EML5: variants seen among roughly 807,000 people sequenced by gnomAD.
The protein encoded by EML5 is EMAP like 5, also known as echinoderm microtubule-associated protein-like 5.
In EML5, 120 loss-of-function variants were observed where a neutral mutation model predicts 250.0. The ratio of observed to expected loss-of-function variants is 0.48; its 90% confidence interval spans 0.41 to 0.56. The LOEUF (loss-of-function observed/expected upper bound fraction) is 0.56, where lower values mean the gene tolerates loss of function less well. Among genes scored for constraint, EML5 ranks in the 20% least tolerant of loss-of-function variants. The pLI is 0.00. For synonymous variants in EML5, 771 were observed against 806.5 expected (o/e 0.96, Z 0.75); for missense variants, 2,006 against 2,437.6 (o/e 0.82, Z 3.73).
At chr14:88,675,152 T>C (rs1262381417) in intron 21 of EML5, among the ~76,000 whole-genome samples, 1 of 152,246 alleles carries the variant, frequency 6.6e-6, no homozygotes, top group Non-Finnish European at 1.5e-5. Context: ...GAAGGATGGT[T>C]GCCCTCTTCT....
intron 9 of EML5, among the ~76,000 whole-genome samples, chr14:88,713,840 G>GT (rs33988759): frequency 0.076 from 9,855 of 130,024 alleles, 440 homozygotes; most frequent in African/African-American, 0.12. Context: ...AAGTTTATTT[G>GT]TTTTTTTTTT....
chr14:88,648,729 A>G (rs1370454045), intron 28 of EML5, among the ~76,000 whole-genome samples: 1 of 152,012 alleles, frequency 6.6e-6, no homozygotes, highest in Non-Finnish European at 1.5e-5. Flanking sequence ...CCCATTATAA[A>G]CTATCCAAGT....
At chr14:88,664,905 A>C (rs1238918722) in intron 22 of EML5, among the ~76,000 whole-genome samples, 1 of 152,212 alleles carries the variant, frequency 6.6e-6, no homozygotes, top group Non-Finnish European at 1.5e-5. Flanking sequence ...ACTCCCTCTA[A>C]ATTTAGAAAA....
At chr14:88,719,273 C>T (rs1217970525) in intron 8 of EML5, among the ~76,000 whole-genome samples, 1 of 152,110 alleles carries the variant, frequency 6.6e-6, no homozygotes, top group Non-Finnish European at 1.5e-5. Flanking sequence ...GTAGTCACAG[C>T]TACTTGGAAG....
At chr14:88,660,061 G>A (rs193237723) in intron 25 of EML5, among the ~76,000 whole-genome samples, 3 of 151,872 alleles carry the variant, frequency 2.0e-5, no homozygotes, top group Admixed American at 6.6e-5. Context: ...GGATCACCTG[G>A]GTTCAGGAGT....
At chr14:88,770,009 G>A (rs1020962222) in intron 1 of EML5, among the ~76,000 whole-genome samples, 2 of 148,006 alleles carry the variant, frequency 1.4e-5, no homozygotes, top group Admixed American at 6.8e-5. Flanking sequence ...TTAAGATACT[G>A]TTAAGACACT....
intron 16 of EML5, among the ~76,000 whole-genome samples, chr14:88,694,640 C>T (rs2093035143): frequency 6.6e-6 from 1 of 152,124 alleles, no homozygotes; most frequent in Admixed American, 6.6e-5. Flanking sequence ...TGGACAGCAT[C>T]TATAATACCT....
At chr14:88,629,120 T>G (rs776553960) in intron 33 of EML5, among the ~76,000 whole-genome samples, 21 of 151,998 alleles carry the variant, frequency 1.4e-4, no homozygotes, top group Non-Finnish European at 2.1e-4. Flanking sequence ...CTCTATACAT[T>G]TTGCCAGTGA....
intron 28 of EML5, 62 bp downstream of exon 28, chr14:88,649,850 C>A: frequency 3.1e-6 from 4 of 1,296,102 alleles, no homozygotes; most frequent in South Asian, 2.9e-5. Flanking sequence ...CTTAAAATAC[C>A]ATAAAGAATA....
At chr14:88,663,616 T>C (rs536229521) in intron 23 of EML5, among the ~76,000 whole-genome samples, 1 of 152,338 alleles carries the variant, frequency 6.6e-6, no homozygotes, top group East Asian at 1.9e-4. Flanking sequence ...TATATGATTA[T>C]GACTCTTTTT....
In EML5 at chr14:88,792,770, G is replaced by A; in HGVS notation, c.-267C>T. On this transcript the variant is annotated 5_prime_UTR_variant, in exon 1 of 44. Transcript: ENST00000554922. The surrounding 1 kb of genome is among the most constrained non-coding windows in gnomAD (Gnocchi z 6.9). ...ATGCCCAGAGCCCTTCGCCCGCCTC[G>A]GCTCGCCTAGTCTCCTCAGCCCGTA... The A allele has an allele frequency of 9.7e-7, 1 of 1,034,742 alleles. No individual in the cohort carries two copies. The allele number at this position is 1,034,742 out of a possible 1,614,324, so 64.1% of individuals were successfully genotyped here.
intron 7 of EML5, among the ~76,000 whole-genome samples, chr14:88,727,725 T>A (rs2093689139): frequency 6.6e-6 from 1 of 152,204 alleles, no homozygotes; most frequent in Non-Finnish European, 1.5e-5. Context: ...AACAATGCAG[T>A]ACATTGATTC....
intron 35 of EML5, chr14:88,626,616 C>CAAA: frequency 6.3e-6 from 3 of 474,686 alleles, no homozygotes; most frequent in East Asian, 3.7e-5. Flanking sequence ...GATACTGTGT[C>CAAA]AAAAAAAAAA....
intron 7 of EML5, among the ~76,000 whole-genome samples, chr14:88,731,819 GTGA>G (rs1206004853): frequency 1.3e-5 from 2 of 151,204 alleles, no homozygotes; most frequent in Non-Finnish European, 3.0e-5. Flanking sequence ...CTGATGGCCA[GTGA>G]TGATGAGCAT....
intron 2 of EML5, among the ~76,000 whole-genome samples, chr14:88,753,641 CA>C (rs1407455299): frequency 1.3e-5 from 2 of 151,980 alleles, no homozygotes; most frequent in Non-Finnish European, 2.9e-5. Context: ...AAAAGCACCA[CA>C]AAAAAAGCTC....
At position 88,612,813 on chromosome 14, in the gene EML5, G is replaced by C. The variant is rs2086980530; in HGVS notation, c.*3005C>G. Reference sequence around the variant, plus strand: ...TTTTTTGTGTGTGGTTTTTAAAACTGTTAAGGCAAGAAGTGTCAAATGCTT... The same window carrying C: ...TTTTTTGTGTGTGGTTTTTAAAACTCTTAAGGCAAGAAGTGTCAAATGCTT... On this transcript the variant is annotated 3_prime_UTR_variant, in exon 44 of 44. Transcript: ENST00000554922. 1 of 152,480 alleles carries C rather than the reference G, an allele frequency of 6.6e-6. No individual in the cohort carries two copies. Among genetic ancestry groups the C allele is most frequent in the Non-Finnish European group, 1.5e-5 (1 of 68,006 alleles). The allele number at this position is 152,480 out of a possible 1,614,324, so 9.4% of individuals were successfully genotyped here.
chr14:88,651,366 G>T (rs183621602), intron 27 of EML5, among the ~76,000 whole-genome samples: 5 of 151,952 alleles, frequency 3.3e-5, no homozygotes, highest in African/African-American at 4.8e-5. Flanking sequence ...TAACATCAAA[G>T]ATTTCAGTTA....
chr14:88,643,106 G>GTGTC (rs1567051990), intron 30 of EML5, 84 bp from the exon 31 acceptor site: 2 of 1,268,060 alleles, frequency 1.6e-6, no homozygotes, highest in Non-Finnish European at 2.1e-6. Flanking sequence ...AATACTAGTA[G>GTGTC]TGTCTGCAGT....
intron 41 of EML5, 24 bp from the exon 42 acceptor site, chr14:88,616,903 A>G: frequency 3.1e-6 from 5 of 1,609,308 alleles, no homozygotes; most frequent in Non-Finnish European, 4.2e-6. Context: ...ACAAAAGAAA[A>G]CTCATCATGG....
Sources: allele counts gnomAD v4.1 joint callset (sites outside exome capture counted in the v4.1 genomes callset), GRCh38; gene constraint gnomAD v4.1.1; non-coding constraint Gnocchi (gnomAD v3.1); transcripts MANE v1.5; gene names NCBI Gene and HGNC (gene_info 2026-07-23, HGNC 2026-07-21).